Variants in LUZP2 observed in about 807,000 individuals in gnomAD.
The protein encoded by LUZP2 is leucine zipper protein 2.
A neutral mutation model predicts 51.6 loss-of-function variants in LUZP2; 52 were observed. That is an observed-to-expected ratio of 1.01 (90% CI 0.81 to 1.27). The LOEUF (loss-of-function observed/expected upper bound fraction) is 1.27. LUZP2 is among the 50% of genes most tolerant of loss of function. The pLI is 0.00. For missense variants in LUZP2, 436 were observed against 395.4 expected, an observed-to-expected ratio of 1.10 and a Z score of -0.87; for synonymous variants, 154 against 137.3, an observed-to-expected ratio of 1.12 and a Z score of -0.85.
chr11:24,646,684 T>G, intron 1 of LUZP2: 1 of 723,264 alleles, frequency 1.4e-6, no homozygotes, highest in Non-Finnish European at 1.7e-6. Flanking sequence ...CCCAAAAGAC[T>G]GTTGCTGATG....
intron 1 of LUZP2, among the ~76,000 whole-genome samples, chr11:24,558,399 T>C (rs1204020855): frequency 6.6e-6 from 1 of 151,978 alleles, no homozygotes; most frequent in African/African-American, 2.4e-5. Context: ...CATATATCTC[T>C]ATATATAGCC....
intron 1 of LUZP2, among the ~76,000 whole-genome samples, chr11:24,658,602 C>T (rs112937293): frequency 0.19 from 28,546 of 152,038 alleles, 2,757 homozygotes; most frequent in East Asian, 0.31. Context: ...AGAGCTTCTG[C>T]ACAGCAAAAG....
At chr11:24,904,794 A>C (rs1229035724) in intron 5 of LUZP2, among the ~76,000 whole-genome samples, 1 of 152,116 alleles carries the variant, frequency 6.6e-6, no homozygotes, top group East Asian at 1.9e-4. Flanking sequence ...TAAATAAACT[A>C]AATTATCTAA....
At position 24,661,342 on chromosome 11, in the gene LUZP2, A is replaced by G. The variant is rs116793594; in HGVS notation, c.63-67827A>G. On this transcript the variant is annotated intron_variant, in intron 1 of 11. Transcript: ENST00000336930. ...GATTGCTAATTGGAAAAAGAATCCA[A>G]TGTTGGCATACAAGGTAGAACAAAA... Among the ~76,000 whole-genome samples the G allele has an allele frequency of 8.2e-3, 1,243 of 152,312 alleles. 19 individuals are homozygous for G. Among genetic ancestry groups the G allele is most frequent in the African/African-American group, 0.027 (1,126 of 41,554 alleles).
At chr11:24,616,988 T>A (rs188356696) in intron 1 of LUZP2, among the ~76,000 whole-genome samples, 2 of 152,266 alleles carry the variant, frequency 1.3e-5, no homozygotes, top group Non-Finnish European at 2.9e-5. Flanking sequence ...TTAGGTAAAA[T>A]GTCGTATAAA....
In LUZP2 at chr11:24,984,850, T is replaced by G. The variant is rs182622981; in HGVS notation, c.765+1557T>G. Among the ~76,000 whole-genome samples the G allele has an allele frequency of 1.5e-3, 220 of 151,570 alleles. 1 individual carries two copies. Among genetic ancestry groups the G allele is most frequent in the African/African-American group, 5.1e-3 (212 of 41,438 alleles). On this transcript the variant is annotated intron_variant, in intron 9 of 11. Coordinates refer to ENST00000336930, the MANE Select transcript of LUZP2 (RefSeq NM_001009909.4). ...CCAGTTAGAATTATTTTTTCTTTCC[T>G]CAGTGCTTGCTTTGACAGCTGAGTG...
chr11:25,014,568 A>G (rs1467138651), intron 9 of LUZP2, among the ~76,000 whole-genome samples: 1 of 152,160 alleles, frequency 6.6e-6, no homozygotes, highest in Non-Finnish European at 1.5e-5. Context: ...GTGTCTGTTC[A>G]TATCCTTCGC....
intron 1 of LUZP2, among the ~76,000 whole-genome samples, chr11:24,509,708 T>C (rs1850248768): frequency 6.6e-6 from 1 of 151,548 alleles, no homozygotes; most frequent in South Asian, 2.1e-4. Context: ...ATTTTAAATA[T>C]ATTACTCATA....
chr11:24,545,408 T>A (rs1240766895), intron 1 of LUZP2, among the ~76,000 whole-genome samples: 2 of 152,068 alleles, frequency 1.3e-5, no homozygotes, highest in African/African-American at 4.8e-5. Context: ...TGGTTTTTAG[T>A]TTTACATTTA....
At chr11:25,030,965 A>AT (rs1857652155) in intron 9 of LUZP2, among the ~76,000 whole-genome samples, 1 of 9,984 alleles carries the variant, frequency 1.0e-4, no homozygotes, top group Non-Finnish European at 1.6e-4. Flanking sequence ...ATAATACAAT[A>AT]TATATTATAT....
chr11:24,766,874 G>A (rs1434992775), intron 5 of LUZP2, among the ~76,000 whole-genome samples: 1 of 152,088 alleles, frequency 6.6e-6, no homozygotes, highest in Non-Finnish European at 1.5e-5. Context: ...TGATACCCCT[G>A]GCTCAGCCTC....
intron 4 of LUZP2, among the ~76,000 whole-genome samples, chr11:24,744,806 CAGTT>C (rs141143529): frequency 0.25 from 37,396 of 151,602 alleles, 5,749 homozygotes; most frequent in East Asian, 0.53. Flanking sequence ...CTTAGAGTGT[CAGTT>C]TGTGCTCTTT....
chr11:24,842,568 A>G (rs915250245), intron 5 of LUZP2, among the ~76,000 whole-genome samples: 1 of 151,978 alleles, frequency 6.6e-6, no homozygotes, highest in Non-Finnish European at 1.5e-5. Context: ...TTTTTAAACT[A>G]CAAAATAAAA....
intron 5 of LUZP2, among the ~76,000 whole-genome samples, chr11:24,795,830 G>A (rs891688376): frequency 4.0e-5 from 6 of 151,818 alleles, no homozygotes; most frequent in African/African-American, 1.2e-4. Flanking sequence ...AGTGTTATGC[G>A]CCTCACTGAG....
At chr11:24,681,885 TAAAA>T (rs907438440) in intron 1 of LUZP2, among the ~76,000 whole-genome samples, 1 of 152,020 alleles carries the variant, frequency 6.6e-6, no homozygotes, top group Admixed American at 6.6e-5. Context: ...ATTTTTGAAA[TAAAA>T]AAAATCACCC....
chr11:24,556,743 C>T (rs1461628320), intron 1 of LUZP2, among the ~76,000 whole-genome samples: 1 of 152,064 alleles, frequency 6.6e-6, no homozygotes, highest in African/African-American at 2.4e-5. Flanking sequence ...TGATCTCTGT[C>T]CTATACATAT....
chr11:25,065,286 T>G lies in LUZP2; in HGVS notation c.859-12043T>G, dbSNP rs556721260. Among the ~76,000 whole-genome samples the G allele has an allele frequency of 4.6e-5, 7 of 152,074 alleles. No homozygotes were observed. The South Asian group carries it at 1.4e-3, about 31-fold the overall frequency. ...ACATCTTTATTAAGGGCCAAGTGAA[T>G]GAACCTTATTAACATTGCCTGCTGC... is the stretch of plus-strand genomic sequence containing the variant. On this transcript the variant is annotated intron_variant, in intron 10 of 11. Coordinates refer to ENST00000336930, the MANE Select transcript of LUZP2 (RefSeq NM_001009909.4).
At chr11:24,699,110 C>A (rs1324185291) in intron 1 of LUZP2, among the ~76,000 whole-genome samples, 1 of 151,392 alleles carries the variant, frequency 6.6e-6, no homozygotes, top group Non-Finnish European at 1.5e-5. Flanking sequence ...CACACACACA[C>A]ACACACACAC....
chr11:24,885,562 G>T (rs1852643367), intron 5 of LUZP2, among the ~76,000 whole-genome samples: 1 of 152,140 alleles, frequency 6.6e-6, no homozygotes, highest in Non-Finnish European at 1.5e-5. Flanking sequence ...GATATTGTAT[G>T]GGTGAGATGA....
Sources: allele counts gnomAD v4.1 joint callset (sites outside exome capture counted in the v4.1 genomes callset), GRCh38; gene constraint gnomAD v4.1.1; transcripts MANE v1.5; gene names NCBI Gene and HGNC (gene_info 2026-07-23, HGNC 2026-07-21).